The following ERBB4 variants were observed in gnomAD, a reference collection of about 807,000 sequenced individuals.
ERBB4 encodes erb-b2 receptor tyrosine kinase 4, also known as receptor tyrosine-protein kinase erbB-4.
ERBB4 carries 42 observed loss-of-function variants against 158.0 expected under a neutral mutation model. The ratio of observed to expected loss-of-function variants is 0.27; its 90% CI spans 0.21 to 0.34. ERBB4 has a LOEUF of 0.34. Among genes scored for constraint, ERBB4 ranks in the 10% least tolerant of loss-of-function variants. ERBB4 has a pLI of 1.00. For missense variants in ERBB4, 1,333 were observed against 1,624.1 expected, an observed-to-expected ratio of 0.82 and a Z score of 3.08; for synonymous variants, 583 against 558.7, an observed-to-expected ratio of 1.04 and a Z score of -0.61.
intron 1 of ERBB4, among the ~76,000 whole-genome samples, chr2:212,301,672 A>G (rs1313638506): frequency 1.4e-5 from 2 of 139,568 alleles, no homozygotes; most frequent in African/African-American, 5.7e-5. Flanking sequence ...TAGATTACAC[A>G]CCACACACTT....
At chr2:212,379,967 T>A (rs1352006323) in intron 1 of ERBB4, among the ~76,000 whole-genome samples, 1 of 151,476 alleles carries the variant, frequency 6.6e-6, no homozygotes, top group African/African-American at 2.4e-5. Flanking sequence ...ACCAGGCACC[T>A]GTATCAGTTC....
At chr2:211,633,897 G>T (rs887317690) in intron 16 of ERBB4, among the ~76,000 whole-genome samples, 1 of 152,128 alleles carries the variant, frequency 6.6e-6, no homozygotes, top group East Asian at 1.9e-4. Flanking sequence ...AGTGGCTCAC[G>T]CCTGTAATCC....
chr2:211,948,436 C>CAAAA (rs55763428), intron 2 of ERBB4, among the ~76,000 whole-genome samples: 8 of 81,358 alleles, frequency 9.8e-5, no homozygotes, highest in Non-Finnish European at 1.5e-4. Flanking sequence ...CTCTGTCTCA[C>CAAAA]AAAAAAAAAA....
chr2:211,784,067 G>T (rs1347249531), intron 4 of ERBB4, among the ~76,000 whole-genome samples: 1 of 152,090 alleles, frequency 6.6e-6, no homozygotes, highest in Admixed American at 6.6e-5. Flanking sequence ...TCTATTCGGG[G>T]ATTCAACTTC....
intron 1 of ERBB4, among the ~76,000 whole-genome samples, chr2:212,436,766 A>G (rs772854528): frequency 1.3e-5 from 2 of 152,116 alleles, no homozygotes; most frequent in Admixed American, 1.3e-4. Flanking sequence ...TCCCATGAAC[A>G]TAACTAGAAT....
chr2:212,253,974 A>C (rs1327600128), intron 1 of ERBB4, among the ~76,000 whole-genome samples: 1 of 152,144 alleles, frequency 6.6e-6, no homozygotes, highest in Non-Finnish European at 1.5e-5. Context: ...GTATTTGTGT[A>C]CCTAAATGTA....
intron 3 of ERBB4, among the ~76,000 whole-genome samples, chr2:211,803,895 T>C (rs991474758): frequency 2.6e-5 from 4 of 152,158 alleles, no homozygotes; most frequent in African/African-American, 9.7e-5. Flanking sequence ...ATACAGTTCA[T>C]GAGAGAGTAA....
At chr2:212,300,711 G>C (rs2086588897) in intron 1 of ERBB4, among the ~76,000 whole-genome samples, 1 of 151,412 alleles carries the variant, frequency 6.6e-6, no homozygotes, top group South Asian at 2.1e-4. Flanking sequence ...CAAAACATAA[G>C]GGTGATAGAA....
intron 7 of ERBB4, among the ~76,000 whole-genome samples, chr2:211,719,725 C>T (rs538184858): frequency 6.6e-6 from 1 of 151,816 alleles, no homozygotes; most frequent in African/African-American, 2.4e-5. Context: ...CATGGTGGCA[C>T]GTGCCTGTAG....
At chr2:211,916,771 A>T (rs2079703628) in intron 3 of ERBB4, among the ~76,000 whole-genome samples, 2 of 152,172 alleles carry the variant, frequency 1.3e-5, no homozygotes, top group African/African-American at 4.8e-5. Flanking sequence ...TTAAAATTTA[A>T]GATTCTTATG....
intron 1 of ERBB4, among the ~76,000 whole-genome samples, chr2:212,342,415 C>T (rs2088767211): frequency 6.6e-6 from 1 of 152,126 alleles, no homozygotes; most frequent in Non-Finnish European, 1.5e-5. Context: ...CCCCTGCATA[C>T]ACTCTCTTGC....
intron 20 of ERBB4, among the ~76,000 whole-genome samples, chr2:211,463,718 A>T (rs1184401635): frequency 6.6e-6 from 1 of 152,032 alleles, no homozygotes; most frequent in Non-Finnish European, 1.5e-5. Context: ...CCCCTCCTAC[A>T]GCAGGCCTTT....
chr2:211,997,957 C>T (rs2082240483), intron 2 of ERBB4, among the ~76,000 whole-genome samples: 1 of 150,570 alleles, frequency 6.6e-6, no homozygotes, highest in African/African-American at 2.4e-5. Flanking sequence ...AGGTAGAATG[C>T]AATACGTGAA....
intron 5 of ERBB4, among the ~76,000 whole-genome samples, chr2:211,748,764 A>C (rs2075044349): frequency 6.6e-6 from 1 of 152,220 alleles, no homozygotes; most frequent in African/African-American, 2.4e-5. Flanking sequence ...ATACCTCGGT[A>C]GTTTTTTTCT....
intron 1 of ERBB4, among the ~76,000 whole-genome samples, chr2:212,181,409 A>T (rs2081859078): frequency 1.3e-5 from 2 of 151,678 alleles, no homozygotes; most frequent in South Asian, 2.1e-4. Flanking sequence ...ACACCACAGA[A>T]TTAAATAACA....
intron 1 of ERBB4, among the ~76,000 whole-genome samples, chr2:212,287,046 CACA>C (rs2086016539): frequency 6.6e-6 from 1 of 151,834 alleles, no homozygotes; most frequent in Non-Finnish European, 1.5e-5. Context: ...AACGCGCTGA[CACA>C]ACGACCTTGC....
chr2:212,197,727 T>C (rs1018161443), intron 1 of ERBB4, among the ~76,000 whole-genome samples: 6 of 152,174 alleles, frequency 3.9e-5, no homozygotes, highest in African/African-American at 1.4e-4. Flanking sequence ...TGGAAATTTA[T>C]GTTTGCTGAA....
rs531821517 is a variant in ERBB4, at chr2:211,536,435, T to C, written c.2487+25468A>G. ...CTGTGGACATTACTCCGGCTTCCCATTGGGGAAGAGGCAGGTCTTCAGACA... is the reference window on the plus strand; with the variant it reads ...CTGTGGACATTACTCCGGCTTCCCACTGGGGAAGAGGCAGGTCTTCAGACA... On this transcript the variant is annotated intron_variant, in intron 20 of 27. Transcript: ENST00000342788. Among the ~76,000 whole-genome samples the C allele has an allele frequency of 4.2e-4, 64 of 152,116 alleles. 1 individual carries two copies. The South Asian group carries it at 6.9e-3, about 16-fold the overall frequency.
At chr2:212,264,421 T>C (rs537947354) in intron 1 of ERBB4, among the ~76,000 whole-genome samples, 3 of 152,176 alleles carry the variant, frequency 2.0e-5, no homozygotes, top group East Asian at 1.9e-4. Flanking sequence ...GAAAATGGGA[T>C]TGGGCCAAGT....
Sources: gnomAD v4.1 joint callset for allele counts (sites outside exome capture counted in the v4.1 genomes callset) on GRCh38, gnomAD v4.1.1 for gene constraint, MANE v1.5 for transcripts, NCBI Gene and HGNC (gene_info 2026-07-23, HGNC 2026-07-21) for gene names.